The following IQCM variants were observed in gnomAD, a reference collection of about 807,000 sequenced individuals.
IQCM encodes the protein IQ domain-containing protein M.
A neutral mutation model predicts 57.6 loss-of-function variants in IQCM; 45 were observed. The observed-to-expected ratio is 0.78, with a 90% CI of 0.62 to 1.00. The LOEUF is 1.00. Among genes scored for constraint, IQCM ranks in the 50% least tolerant of loss-of-function variants. IQCM has a pLI of 0.00. For synonymous variants in IQCM, 148 were observed against 158.9 expected, an observed-to-expected ratio of 0.93 and a Z score of 0.51; for missense variants, 468 against 511.6, an observed-to-expected ratio of 0.91 and a Z score of 0.82.
intron 5 of IQCM, among the ~76,000 whole-genome samples, chr4:149,694,502 TCTC>T (rs1423530205): frequency 1.3e-5 from 2 of 152,054 alleles, no homozygotes; most frequent in African/African-American, 4.8e-5. Flanking sequence ...TTCCCACTGT[TCTC>T]CTGACCTTCA....
intron 8 of IQCM, among the ~76,000 whole-genome samples, chr4:149,593,600 A>T (rs1384671872): frequency 1.3e-5 from 2 of 152,128 alleles, no homozygotes; most frequent in East Asian, 3.9e-4. Context: ...GGTTTGTCAT[A>T]CATAGCTCTT....
intron 7 of IQCM, among the ~76,000 whole-genome samples, chr4:149,641,420 C>T (rs1218424082): frequency 6.6e-6 from 1 of 151,862 alleles, no homozygotes; most frequent in Non-Finnish European, 1.5e-5. Context: ...AATTAATGTC[C>T]TACAAATTAA....
At chr4:149,521,376 T>G (rs1039654764) in intron 12 of IQCM, among the ~76,000 whole-genome samples, 3 of 152,146 alleles carry the variant, frequency 2.0e-5, no homozygotes, top group African/African-American at 4.8e-5. Flanking sequence ...TTAAAAAATG[T>G]TCTCCTCTTT....
chr4:149,620,081 C>T (rs373373543), intron 8 of IQCM, among the ~76,000 whole-genome samples: 54 of 152,162 alleles, frequency 3.5e-4, no homozygotes, highest in African/African-American at 9.2e-4. Flanking sequence ...CACTTAAACC[C>T]GGCAGGTGGA....
intron 13 of IQCM, among the ~76,000 whole-genome samples, chr4:149,403,224 T>C (rs1732741475): frequency 6.6e-6 from 1 of 151,982 alleles, no homozygotes; most frequent in Non-Finnish European, 1.5e-5. Flanking sequence ...TGCTGATTTC[T>C]TTCCAAACAA....
chr4:149,726,779 A>G (rs1302353148), intron 5 of IQCM, among the ~76,000 whole-genome samples: 1 of 152,070 alleles, frequency 6.6e-6, no homozygotes, highest in African/African-American at 2.4e-5. Flanking sequence ...TTACATATAT[A>G]TATGTAAAAA....
At chr4:149,534,993 G>C (rs1320307269) in intron 12 of IQCM, among the ~76,000 whole-genome samples, 1 of 152,026 alleles carries the variant, frequency 6.6e-6, no homozygotes, top group Non-Finnish European at 1.5e-5. Context: ...TGCATGACAG[G>C]CTTCACAGCA....
chr4:149,569,841 A>C (rs1750990605), intron 9 of IQCM, among the ~76,000 whole-genome samples: 1 of 152,088 alleles, frequency 6.6e-6, no homozygotes. Flanking sequence ...GATCAGCAAA[A>C]TAAGAATTAA....
At chr4:149,388,023 A>C (rs1431646432) in intron 13 of IQCM, among the ~76,000 whole-genome samples, 1 of 151,994 alleles carries the variant, frequency 6.6e-6, no homozygotes, top group African/African-American at 2.4e-5. Flanking sequence ...ATACTCCATC[A>C]TTTTGATTGC....
At chr4:149,798,349 C>T (rs1026853674) in intron 2 of IQCM, among the ~76,000 whole-genome samples, 1 of 151,770 alleles carries the variant, frequency 6.6e-6, no homozygotes, top group South Asian at 2.1e-4. Flanking sequence ...AATGAATACA[C>T]AAAAAATATA....
chr4:149,690,843 C>T (rs1762891994), intron 5 of IQCM: 1 of 152,066 alleles, frequency 6.6e-6, no homozygotes, highest in Non-Finnish European at 1.5e-5. Flanking sequence ...AGTCTGTTTA[C>T]TCGGAGAAGC....
chr4:149,446,069 A>G (rs1217732009), intron 12 of IQCM, among the ~76,000 whole-genome samples: 1 of 151,808 alleles, frequency 6.6e-6, no homozygotes, highest in East Asian at 1.9e-4. Context: ...GACTAAGAAC[A>G]AATATGTGAG....
intron 12 of IQCM, among the ~76,000 whole-genome samples, chr4:149,447,434 A>C (rs1579087628): frequency 6.6e-6 from 1 of 151,808 alleles, no homozygotes; most frequent in East Asian, 1.9e-4. Context: ...ATGTTCAAGA[A>C]GTTAAAGGAA....
At chr4:149,471,523 G>A (rs1051062428) in intron 12 of IQCM, among the ~76,000 whole-genome samples, 6 of 152,108 alleles carry the variant, frequency 3.9e-5, no homozygotes, top group Non-Finnish European at 5.9e-5. Flanking sequence ...ATTCACAGCC[G>A]AATTCTACCA....
At chr4:149,439,285 C>T (rs1735672120) in intron 12 of IQCM, among the ~76,000 whole-genome samples, 1 of 152,160 alleles carries the variant, frequency 6.6e-6, no homozygotes, top group East Asian at 1.9e-4. Flanking sequence ...AATACACTAA[C>T]ATTTTAACTT....
intron 5 of IQCM, among the ~76,000 whole-genome samples, chr4:149,712,189 C>T (rs1274341129): frequency 6.6e-6 from 1 of 152,132 alleles, no homozygotes; most frequent in Non-Finnish European, 1.5e-5. Context: ...CCAGAACACA[C>T]ATGCTGTGAC....
intron 12 of IQCM, among the ~76,000 whole-genome samples, chr4:149,452,599 A>T (rs773231110): frequency 1.6e-4 from 25 of 151,610 alleles, no homozygotes; most frequent in Non-Finnish European, 2.8e-4. Context: ...TTTTTGAGGA[A>T]TAATTGACAT....
chr4:149,669,288 G>A (rs1761033393), intron 7 of IQCM, among the ~76,000 whole-genome samples: 1 of 152,152 alleles, frequency 6.6e-6, no homozygotes, highest in African/African-American at 2.4e-5. Context: ...CTTTCGAGAA[G>A]TGTCTATTCA....
chr4:149,362,584 C>T (rs936785226), intron 13 of IQCM, among the ~76,000 whole-genome samples: 1 of 152,116 alleles, frequency 6.6e-6, no homozygotes, highest in African/African-American at 2.4e-5. Context: ...CTTGCCACCA[C>T]CATGTAAGAA....
Sources: allele counts gnomAD v4.1 joint callset (sites outside exome capture counted in the v4.1 genomes callset), GRCh38; gene constraint gnomAD v4.1.1; transcripts MANE v1.5; gene names NCBI Gene and HGNC (gene_info 2026-07-23, HGNC 2026-07-21).